Variants in UNC13C observed in about 807,000 individuals in gnomAD.
UNC13C encodes the protein unc-13 homolog C.
A neutral mutation model predicts 245.4 loss-of-function variants in UNC13C; 174 were observed. The observed-to-expected ratio is 0.71, with a 90% CI of 0.63 to 0.80. The LOEUF is 0.80. Ranked by LOEUF, UNC13C falls within the 30% of genes least tolerant of loss-of-function variation. The pLI is 0.00. For missense variants in UNC13C, 2,829 were observed against 2,602.9 expected, an observed-to-expected ratio of 1.09 and a Z score of -1.89; for synonymous variants, 992 against 895.1, an observed-to-expected ratio of 1.11 and a Z score of -1.93.
At chr15:54,330,418 T>C (rs935357144) in intron 14 of UNC13C, among the ~76,000 whole-genome samples, 2 of 151,958 alleles carry the variant, frequency 1.3e-5, no homozygotes, top group African/African-American at 4.8e-5. Context: ...GATATTCTTT[T>C]AGTAAGGAAC....
chr15:53,872,860 TA>T, the UNC13C span, among the ~76,000 whole-genome samples: 1 of 152,204 alleles, frequency 6.6e-6, no homozygotes, highest in Non-Finnish European at 1.5e-5. Context: ...GCACACACAT[TA>T]AACCATATTA....
chr15:54,499,763 A>T (rs1394772029), intron 20 of UNC13C, among the ~76,000 whole-genome samples: 1 of 152,164 alleles, frequency 6.6e-6, no homozygotes, highest in African/African-American at 2.4e-5. Context: ...AAATGCGTTG[A>T]TAGGGAAGAG....
intron 4 of UNC13C, among the ~76,000 whole-genome samples, chr15:54,229,540 C>G (rs774666135): frequency 2.0e-5 from 3 of 152,056 alleles, no homozygotes; most frequent in Non-Finnish European, 2.9e-5. Context: ...TCATGTACAG[C>G]TTTATATTTT....
chr15:54,181,193 G>T (rs1326429446), intron 4 of UNC13C, among the ~76,000 whole-genome samples: 1 of 151,936 alleles, frequency 6.6e-6, no homozygotes, highest in East Asian at 1.9e-4. Context: ...AAAAGGTAGG[G>T]ATACACTTTT....
chr15:54,544,297 C>G (rs915451731), intron 26 of UNC13C, among the ~76,000 whole-genome samples: 4 of 152,092 alleles, frequency 2.6e-5, no homozygotes, highest in African/African-American at 7.2e-5. Flanking sequence ...GAACGTATCT[C>G]AAAATAATAA....
intron 2 of UNC13C, among the ~76,000 whole-genome samples, chr15:54,043,522 T>A (rs888564112): frequency 1.3e-5 from 2 of 151,992 alleles, no homozygotes; most frequent in Non-Finnish European, 2.9e-5. Flanking sequence ...AAGTTTGTGC[T>A]TTTTTCCTCT....
At chr15:53,974,158 T>C (rs752948055), upstream of UNC13C, among the ~76,000 whole-genome samples, 1 of 152,214 alleles carries the variant, frequency 6.6e-6, no homozygotes, top group Non-Finnish European at 1.5e-5. Flanking sequence ...ATGTATGTAA[T>C]AACACTTTTA....
At chr15:54,019,050 A>G (rs1248173808) in intron 2 of UNC13C, among the ~76,000 whole-genome samples, 7 of 152,212 alleles carry the variant, frequency 4.6e-5, no homozygotes, top group Non-Finnish European at 8.8e-5. Flanking sequence ...CAGAATTACT[A>G]TATATTAGGC....
At chr15:53,997,688 C>T (rs1056238230) in intron 1 of UNC13C, among the ~76,000 whole-genome samples, 7 of 151,982 alleles carry the variant, frequency 4.6e-5, no homozygotes, top group African/African-American at 1.4e-4. Flanking sequence ...TCTGGACTTT[C>T]TTCTATTCCA....
chr15:54,360,237 G>A (rs2039199666), intron 17 of UNC13C, among the ~76,000 whole-genome samples: 1 of 151,932 alleles, frequency 6.6e-6, no homozygotes, highest in Non-Finnish European at 1.5e-5. Flanking sequence ...ATTTGTACTG[G>A]AGAATGTTTC....
At chr15:54,147,073 G>A (rs908874955) in intron 4 of UNC13C, among the ~76,000 whole-genome samples, 2 of 152,114 alleles carry the variant, frequency 1.3e-5, no homozygotes, top group African/African-American at 4.8e-5. Flanking sequence ...TGTAGCCTTG[G>A]GGTGAATGCT....
At position 54,532,906 on chromosome 15, in the gene UNC13C, T is replaced by G; in HGVS notation, c.5547-11T>G. ...TTCTTATATTTTAGAATTTATATTC[T>G]TTATTTTTAGTTTCCAGGTTATAAT... On this transcript the variant is annotated splice_polypyrimidine_tract_variant and intron_variant, in intron 25 of 32. Coordinates refer to ENST00000260323, the MANE Select transcript of UNC13C (RefSeq NM_001080534.3). 1 of 1,471,110 alleles carries G rather than the reference T, an allele frequency of 6.8e-7. No homozygotes were observed. The highest frequency in any genetic ancestry group is 9.2e-7 in the Non-Finnish European group (1 of 1,085,244). 91.1% of individuals were successfully genotyped at this position (1,471,110 alleles called of 1,614,324 possible). A position where few individuals can be genotyped will look rare whatever the true frequency, so the allele number is the denominator to read the frequency against.
intron 4 of UNC13C, among the ~76,000 whole-genome samples, chr15:54,160,741 A>T (rs1035798412): frequency 7.2e-5 from 11 of 152,210 alleles, no homozygotes; most frequent in African/African-American, 2.7e-4. Flanking sequence ...AAATGAATTG[A>T]CATGTGAACA....
intron 17 of UNC13C, among the ~76,000 whole-genome samples, chr15:54,356,157 A>T (rs1462212404): frequency 1.3e-5 from 2 of 152,178 alleles, no homozygotes; most frequent in African/African-American, 4.8e-5. Context: ...GTTGTTTCTA[A>T]GGTTATGTTT....
chr15:54,573,128 G>C (rs1023314654), intron 30 of UNC13C, among the ~76,000 whole-genome samples: 1 of 152,030 alleles, frequency 6.6e-6, no homozygotes, highest in Non-Finnish European at 1.5e-5. Context: ...TATAATAAAT[G>C]GTTTAATAAA....
chr15:54,358,748 G>A (rs1020657362), intron 17 of UNC13C, among the ~76,000 whole-genome samples: 8 of 151,840 alleles, frequency 5.3e-5, no homozygotes, highest in African/African-American at 1.9e-4. Flanking sequence ...TTTTAATCAT[G>A]CTGTCCTCAA....
At chr15:53,874,292 C>T in the UNC13C span, among the ~76,000 whole-genome samples, 16 of 150,614 alleles carry the variant, frequency 1.1e-4, no homozygotes, top group Admixed American at 8.6e-4. Flanking sequence ...TAATTTAATC[C>T]CCCTAACAAC....
At chr15:54,525,247 G>A (rs1312459024) in intron 24 of UNC13C, among the ~76,000 whole-genome samples, 1 of 152,088 alleles carries the variant, frequency 6.6e-6, no homozygotes, top group Non-Finnish European at 1.5e-5. Context: ...TCATGTTCTG[G>A]AGGATATTTT....
At chr15:54,597,335 A>G (rs1051685846) in intron 30 of UNC13C, among the ~76,000 whole-genome samples, 1 of 152,206 alleles carries the variant, frequency 6.6e-6, no homozygotes, top group African/African-American at 2.4e-5. Flanking sequence ...CGTGCCAGCG[A>G]AGAATCCTAC....
Sources: allele counts gnomAD v4.1 joint callset (sites outside exome capture counted in the v4.1 genomes callset), GRCh38; gene constraint gnomAD v4.1.1; transcripts MANE v1.5; gene names NCBI Gene and HGNC (gene_info 2026-07-23, HGNC 2026-07-21).